Variants in COL4A2 observed in about 807,000 individuals in gnomAD.
COL4A2 encodes the protein collagen type IV alpha 2 chain, also known as collagen alpha-2(IV) chain.
A neutral mutation model predicts 200.2 loss-of-function variants in COL4A2; 99 were observed. The ratio of observed to expected loss-of-function variants is 0.49; its 90% confidence interval spans 0.42 to 0.58. The LOEUF is 0.58. COL4A2 is among the 20% of genes least tolerant of loss of function. COL4A2 has a pLI of 0.00. For missense variants in COL4A2, 1,950 were observed against 2,314.1 expected (o/e 0.84, Z 3.23); for synonymous variants, 897 against 900.6 (o/e 1.00, Z 0.07).
intron 6 of COL4A2, among the ~76,000 whole-genome samples, chr13:110,426,955 C>G (rs79891647): frequency 0.011 from 1,614 of 152,330 alleles, 26 homozygotes; most frequent in African/African-American, 0.036. Flanking sequence ...ACAGGGATTC[C>G]TCTGGCTCAC....
chr13:110,487,442 G>T (rs573824911), intron 34 of COL4A2, among the ~76,000 whole-genome samples: 109 of 152,280 alleles, frequency 7.2e-4, no homozygotes, highest in Non-Finnish European at 1.2e-3. Context: ...GACAAAGCAA[G>T]ACTCCATCTC....
At chr13:110,435,726 C>T (rs1014466337) in intron 12 of COL4A2, among the ~76,000 whole-genome samples, 2 of 152,188 alleles carry the variant, frequency 1.3e-5, no homozygotes, top group African/African-American at 2.4e-5. Context: ...CTAGATAGAT[C>T]GGTTTCACCA....
chr13:110,507,590 G>T, intron 46 of COL4A2: 1 of 335,528 alleles, frequency 3.0e-6, no homozygotes, highest in Non-Finnish European at 5.5e-6. Context: ...CCCCTTGGAG[G>T]CCATCAGAGT....
At chr13:110,368,848 AG>A (rs71775039) in intron 4 of COL4A2, among the ~76,000 whole-genome samples, 32,373 of 120,726 alleles carry the variant, frequency 0.27, 3,874 homozygotes, top group East Asian at 0.34. Context: ...GCCAAAGAAA[AG>A]GGGGGGGGGG....
intron 4 of COL4A2, among the ~76,000 whole-genome samples, chr13:110,389,650 C>T (rs1325004130): frequency 2.0e-5 from 3 of 152,196 alleles, no homozygotes; most frequent in Middle Eastern, 3.2e-3. Context: ...CTCCTCTGTG[C>T]ACTCTCACGA....
chr13:110,451,514 G>C (rs1204899738), intron 20 of COL4A2, among the ~76,000 whole-genome samples: 2 of 152,184 alleles, frequency 1.3e-5, no homozygotes, highest in Admixed American at 6.5e-5. Flanking sequence ...GGCAGAAGGG[G>C]AAGCAAACAT....
intron 4 of COL4A2, among the ~76,000 whole-genome samples, chr13:110,417,410 A>T (rs1033073622): frequency 6.6e-6 from 1 of 152,092 alleles, no homozygotes; most frequent in African/African-American, 2.4e-5. Flanking sequence ...GCCGGGCAAC[A>T]TGCCTGTGAT....
intron 3 of COL4A2, among the ~76,000 whole-genome samples, chr13:110,352,851 G>A (rs1877022564): frequency 6.6e-6 from 1 of 152,280 alleles, no homozygotes; most frequent in African/African-American, 2.4e-5. Flanking sequence ...TTGGGGTGAA[G>A]GACACCCAGA....
At chr13:110,381,738 T>C (rs1020999406) in intron 4 of COL4A2, among the ~76,000 whole-genome samples, 2 of 152,168 alleles carry the variant, frequency 1.3e-5, no homozygotes, top group Non-Finnish European at 1.5e-5. Flanking sequence ...TCACTCCTTT[T>C]TCACTCCCTT....
At position 110,445,845 on chromosome 13, in the gene COL4A2, A is replaced by G; in HGVS notation, c.974A>G (p.Asp325Gly). 2 of 1,614,176 alleles carry G rather than the reference A, an allele frequency of 1.2e-6. No homozygotes were observed. The highest frequency in any genetic ancestry group is 8.5e-7 in the Non-Finnish European group (1 of 1,180,026). ...SPGQKGSRGL[D>G]GYQGPDGPRG... ...TTCTTGCAGGGAAGCCGAGGCCTGGATGGCTATCAAGGGCCTGATGGACCC... is the reference window on the plus strand; with the variant it reads ...TTCTTGCAGGGAAGCCGAGGCCTGGGTGGCTATCAAGGGCCTGATGGACCC... Residue 325 changes from aspartate (D) to glycine (G), a missense_variant, in exon 17 of 48, where the codon GAT (aspartate) becomes GGT (glycine). Around this residue, in one of 2 missense-constraint regions of COL4A2, gnomAD observed 565 missense variants for 593.5 expected, o/e 0.95. Transcript: ENST00000360467.
chr13:110,384,742 C>T (rs1878617961), intron 4 of COL4A2, among the ~76,000 whole-genome samples: 2 of 152,204 alleles, frequency 1.3e-5, no homozygotes, highest in African/African-American at 4.8e-5. Flanking sequence ...TTAGCACCCT[C>T]CAAAGCCACT....
intron 3 of COL4A2, among the ~76,000 whole-genome samples, chr13:110,338,144 C>T (rs1876285189): frequency 6.6e-6 from 1 of 152,084 alleles, no homozygotes; most frequent in Non-Finnish European, 1.5e-5. Flanking sequence ...GTTTCATGTG[C>T]ATTTTATTAT....
At chr13:110,464,015 T>C (rs543075899) in intron 24 of COL4A2, among the ~76,000 whole-genome samples, 89 of 152,270 alleles carry the variant, frequency 5.8e-4, no homozygotes, top group Non-Finnish European at 1.0e-3. Flanking sequence ...GAACAGTCTT[T>C]GGCCTGTTCA....
In COL4A2 at chr13:110,493,204, C is replaced by A; in HGVS notation, c.3563-7C>A. Reference sequence around the variant, plus strand: ...GAAATAAATAACGATGAGTGACACCCCCGCAGGTTTTCCGGGACTCCGTGG... The same window carrying A: ...GAAATAAATAACGATGAGTGACACCACCGCAGGTTTTCCGGGACTCCGTGG... On this transcript the variant is annotated splice_region_variant and splice_polypyrimidine_tract_variant and intron_variant, in intron 38 of 47. Coordinates refer to ENST00000360467, the MANE Select transcript of COL4A2 (RefSeq NM_001846.4). 1.9e-6 allele frequency: 3 copies of A among 1,614,134 alleles called. No individual in the cohort carries two copies. Among genetic ancestry groups the A allele is most frequent in the East Asian group, 2.2e-5 (1 of 44,862 alleles).
intron 3 of COL4A2, among the ~76,000 whole-genome samples, chr13:110,311,588 G>A (rs539030473): frequency 4.7e-4 from 72 of 152,274 alleles, no homozygotes; most frequent in Admixed American, 9.1e-4. Flanking sequence ...CATGTGAAGC[G>A]CCTTGGAGGG....
intron 4 of COL4A2, among the ~76,000 whole-genome samples, chr13:110,365,618 TC>T (rs763938171): frequency 3.9e-5 from 6 of 151,926 alleles, no homozygotes; most frequent in Non-Finnish European, 8.8e-5. Context: ...TGCACACCCC[TC>T]CCCCTACCCT....
intron 29 of COL4A2, among the ~76,000 whole-genome samples, chr13:110,477,076 C>T (rs1032682078): frequency 8.5e-5 from 13 of 152,204 alleles, no homozygotes; most frequent in African/African-American, 3.1e-4. Flanking sequence ...AGGCCGGGCA[C>T]AGTGGCTCAT....
At chr13:110,478,248 C>T in intron 30 of COL4A2, 84 bp downstream of exon 30, 1 of 1,366,746 alleles carries the variant, frequency 7.3e-7, no homozygotes, top group Non-Finnish European at 9.7e-7. Context: ...GTGGAGCTCT[C>T]AAAGTCTGTT....
chr13:110,493,489 T>C (rs1477672553), intron 39 of COL4A2, among the ~76,000 whole-genome samples: 2 of 152,208 alleles, frequency 1.3e-5, no homozygotes, highest in Non-Finnish European at 2.9e-5. Flanking sequence ...AGAATCGGTT[T>C]CTCAAGGCAG....
Sources: gnomAD v4.1 joint callset for allele counts (sites outside exome capture counted in the v4.1 genomes callset) on GRCh38, gnomAD v4.1.1 for gene constraint, gnomAD v4.1.1 regional missense constraint, MANE v1.5 for transcripts, NCBI Gene and HGNC (gene_info 2026-07-23, HGNC 2026-07-21) for gene names.